DOCK7: variants seen among roughly 807,000 people sequenced by gnomAD.
DOCK7 encodes dedicator of cytokinesis protein 7.
Under a neutral mutation model 271.0 loss-of-function variants are expected in DOCK7, and 138 were observed. That is an observed-to-expected ratio of 0.51 (90% CI 0.44 to 0.59). DOCK7 has a LOEUF of 0.59. Ranked by LOEUF, DOCK7 falls within the 20% of genes least tolerant of loss-of-function variation. DOCK7 has a pLI of 0.00. For missense variants in DOCK7, 2,066 were observed against 2,592.4 expected, an observed-to-expected ratio of 0.80 and a Z score of 4.41; for synonymous variants, 823 against 876.1, an observed-to-expected ratio of 0.94 and a Z score of 1.07.
rs377531299 is a variant in DOCK7 at position 62,489,110 on chromosome 1, A to G, written c.5362-45T>C. 7.4e-6 allele frequency: 11 copies of G among 1,493,922 alleles called. No homozygotes were observed. The African/African-American group carries it at 1.3e-4, about 17-fold the overall frequency. The allele number at this position is 1,493,922 out of a possible 1,614,324, so 92.5% of individuals were successfully genotyped here. A position where few individuals can be genotyped will look rare whatever the true frequency, so the allele number is the denominator to read the frequency against. ...TAAGATGTTGCTTTCTTTTACATCA[A>G]TAAGAAAGAAAAGTAATTATATGAA... On this transcript the variant is annotated intron_variant, in intron 41 of 49. Transcript: ENST00000635253.
chr1:62,516,261 T>C (rs1391205291), intron 31 of DOCK7, among the ~76,000 whole-genome samples: 1 of 152,190 alleles, frequency 6.6e-6, no homozygotes. Context: ...TTCAAATAAA[T>C]ACATTAAAAA....
intron 34 of DOCK7, among the ~76,000 whole-genome samples, chr1:62,509,336 C>G (rs1271669311): frequency 7.8e-6 from 1 of 128,294 alleles, no homozygotes; most frequent in South Asian, 2.6e-4. Flanking sequence ...AAAAAGAATA[C>G]AATTATCAAA....
chr1:62,486,485 AC>A (rs1438229589), intron 43 of DOCK7: 1 of 152,096 alleles, frequency 6.6e-6, no homozygotes, highest in Non-Finnish European at 1.5e-5. Context: ...ACCTTGCTTT[AC>A]CTCATCAAAA....
chr1:62,586,337 A>T lies in DOCK7; in HGVS notation c.1800+170T>A, dbSNP rs923980145. On this transcript the variant is annotated intron_variant, in intron 15 of 49. Transcript: ENST00000635253. ...AACATATACCAAGTCTTCAAAAATA[A>T]GTTAGTCTTCAAGTAATGTCATTAC... Among the ~76,000 whole-genome samples the T allele has an allele frequency of 2.6e-5, 4 of 152,168 alleles. No individual in the cohort carries two copies. In the East Asian group the frequency reaches 7.7e-4, roughly 29 times the overall value.
intron 14 of DOCK7, chr1:62,605,867 C>T (rs140155323): frequency 2.0e-5 from 3 of 151,952 alleles, no homozygotes; most frequent in Non-Finnish European, 4.4e-5. Flanking sequence ...AGATTAGATA[C>T]AAATTTTTTA....
chr1:62,615,742 C>A (rs1652359421), intron 14 of DOCK7, among the ~76,000 whole-genome samples: 1 of 151,520 alleles, frequency 6.6e-6, no homozygotes, highest in Non-Finnish European at 1.5e-5. Context: ...AAGCTTCTTG[C>A]CTACAATATT....
chr1:62,475,122 T>C, intron 47 of DOCK7, 86 bp downstream of exon 47: 1 of 1,410,492 alleles, frequency 7.1e-7, no homozygotes, highest in Non-Finnish European at 9.4e-7. Flanking sequence ...ATCCTTTTCA[T>C]CTGACTTAAC....
intron 33 of DOCK7, 106 bp downstream of exon 33, chr1:62,513,338 C>A: frequency 2.1e-6 from 2 of 943,684 alleles, no homozygotes; most frequent in East Asian, 6.3e-5. Context: ...CAAGTTAATT[C>A]ACAGTTACAC....
chr1:62,466,455 G>A (rs148653998), intron 48 of DOCK7, among the ~76,000 whole-genome samples: 1 of 152,202 alleles, frequency 6.6e-6, no homozygotes, highest in Non-Finnish European at 1.5e-5. Flanking sequence ...ACAACAAAAA[G>A]GTCTGGATGA....
intron 18 of DOCK7, among the ~76,000 whole-genome samples, chr1:62,563,767 G>A (rs969919825): frequency 7.0e-6 from 1 of 142,696 alleles, no homozygotes; most frequent in African/African-American, 2.6e-5. Flanking sequence ...TGGATAAAGA[G>A]TCAAGACCCA....
intron 38 of DOCK7, 153 bp from the exon 39 acceptor site, chr1:62,495,834 A>C (rs1646604540): frequency 1.8e-6 from 1 of 556,200 alleles, no homozygotes; most frequent in Non-Finnish European, 3.0e-6. Context: ...GTATGTGGGG[A>C]TATGGTAAGT....
intron 2 of DOCK7, among the ~76,000 whole-genome samples, chr1:62,661,500 A>G (rs112088971): frequency 1.2e-3 from 187 of 152,080 alleles, no homozygotes; most frequent in African/African-American, 4.4e-3. Context: ...TATTATACAT[A>G]TATAAATATT....
chr1:62,581,181 G>A (rs1296527685), intron 16 of DOCK7, among the ~76,000 whole-genome samples: 1 of 152,132 alleles, frequency 6.6e-6, no homozygotes, highest in Non-Finnish European at 1.5e-5. Flanking sequence ...TGTAACTTAG[G>A]AGGTAATATT....
At chr1:62,614,222 G>A (rs968108648) in intron 14 of DOCK7, among the ~76,000 whole-genome samples, 1 of 151,968 alleles carries the variant, frequency 6.6e-6, no homozygotes. Flanking sequence ...GTAAATTATT[G>A]ATGATATTTG....
At chr1:62,567,675 A>G (rs1416499921) in intron 18 of DOCK7, among the ~76,000 whole-genome samples, 1 of 152,014 alleles carries the variant, frequency 6.6e-6, no homozygotes, top group East Asian at 1.9e-4. Flanking sequence ...CTGCACATGT[A>G]CCCCAGAACT....
rs777364053 is a variant in DOCK7 at position 62,633,486 on chromosome 1, A to AT, written c.1116+11dup. 20 of 1,589,570 alleles carry AT rather than the reference A, an allele frequency of 1.3e-5. No individual in the cohort carries two copies. The highest frequency in any genetic ancestry group is 1.7e-5 in the Non-Finnish European group (20 of 1,159,202). On this transcript the variant is annotated intron_variant, in intron 10 of 49. Coordinates refer to ENST00000635253, the MANE Select transcript of DOCK7 (RefSeq NM_001367561.1). ...TAATAATGTGGCGGAAATGAGAAGC[A>AT]TAACATTCTACCTTGGTGGCATCTG...
chr1:62,669,531 A>G (rs1659692012), intron 1 of DOCK7, among the ~76,000 whole-genome samples: 1 of 152,216 alleles, frequency 6.6e-6, no homozygotes, highest in Non-Finnish European at 1.5e-5. Flanking sequence ...GTCCCAAAAC[A>G]GGTTCATTTC....
chr1:62,646,721 T>C (rs1656714361), intron 7 of DOCK7, among the ~76,000 whole-genome samples: 1 of 152,228 alleles, frequency 6.6e-6, no homozygotes, highest in African/African-American at 2.4e-5. Flanking sequence ...CTGTGTCAGC[T>C]ACGCATTCTA....
At chr1:62,596,734 G>A (rs1250022929) in intron 14 of DOCK7, among the ~76,000 whole-genome samples, 1 of 152,038 alleles carries the variant, frequency 6.6e-6, no homozygotes, top group Admixed American at 6.6e-5. Flanking sequence ...AACTTATGAT[G>A]GGCAAGCTGC....
Sources: gnomAD v4.1 joint callset for allele counts (sites outside exome capture counted in the v4.1 genomes callset) on GRCh38, gnomAD v4.1.1 for gene constraint, MANE v1.5 for transcripts, NCBI Gene and HGNC (gene_info 2026-07-23, HGNC 2026-07-21) for gene names.